LOC128462377: variants seen among roughly 807,000 people sequenced by gnomAD.
chr16:89,326,957 A>G, the LOC128462377 span, among the ~76,000 whole-genome samples: 658 of 152,258 alleles, frequency 4.3e-3, 6 homozygotes, highest in African/African-American at 0.015. Flanking sequence ...AGAGAAAAGC[A>G]GGTACAGCAA....
chr16:89,319,167 G>A, the LOC128462377 span, among the ~76,000 whole-genome samples: 1 of 152,242 alleles, frequency 6.6e-6, no homozygotes, highest in Non-Finnish European at 1.5e-5. Context: ...TCCCAGATGT[G>A]AGTCTGTGGC....
the LOC128462377 span, among the ~76,000 whole-genome samples, chr16:89,333,177 G>A: frequency 6.6e-6 from 1 of 152,232 alleles, no homozygotes; most frequent in Admixed American, 6.5e-5. Flanking sequence ...TTTGGGTCAT[G>A]CCTAAGGTCA....
chr16:89,323,356 GCCTCTCA>G, the LOC128462377 span: 3 of 1,288,100 alleles, frequency 2.3e-6, no homozygotes, highest in Non-Finnish European at 3.0e-6. Flanking sequence ...AGCACCACTG[GCCTCTCA>G]CCTCTCACCA....
At chr16:89,384,467 A>T in the LOC128462377 span, among the ~76,000 whole-genome samples, 1 of 150,884 alleles carries the variant, frequency 6.6e-6, no homozygotes, top group Non-Finnish European at 1.5e-5. Context: ...GAAATGGGAC[A>T]GGACAAGATG....
At chr16:89,371,611 G>A in the LOC128462377 span, among the ~76,000 whole-genome samples, 6 of 152,172 alleles carry the variant, frequency 3.9e-5, no homozygotes, top group African/African-American at 1.4e-4. Flanking sequence ...AGGGTGCTGT[G>A]CACTCCCTGC....
the LOC128462377 span, among the ~76,000 whole-genome samples, chr16:89,388,668 C>T: frequency 4.6e-5 from 7 of 152,216 alleles, no homozygotes; most frequent in East Asian, 1.9e-4. Flanking sequence ...TGCGATGAGC[C>T]GGGGACCCCC....
the LOC128462377 span, among the ~76,000 whole-genome samples, chr16:89,365,220 T>G: frequency 1.3e-5 from 2 of 152,184 alleles, no homozygotes; most frequent in Admixed American, 6.5e-5. Context: ...GAAGGGGAAG[T>G]TCCAGAGCTG....
At chr16:89,361,068 C>T in the LOC128462377 span, among the ~76,000 whole-genome samples, 3 of 152,212 alleles carry the variant, frequency 2.0e-5, no homozygotes, top group African/African-American at 7.2e-5. Context: ...CACCCCAGCC[C>T]CTGCTGCAAT....
At chr16:89,401,593 T>C in the LOC128462377 span, among the ~76,000 whole-genome samples, 1 of 152,180 alleles carries the variant, frequency 6.6e-6, no homozygotes, top group African/African-American at 2.4e-5. Context: ...CTTTATTTAC[T>C]GGTGTTATGA....
chr16:89,328,749 C>A, the LOC128462377 span, among the ~76,000 whole-genome samples: 3 of 115,030 alleles, frequency 2.6e-5, no homozygotes, highest in East Asian at 5.6e-4. Context: ...GGAGCACGGG[C>A]GAAATCAGCG....
the LOC128462377 span, among the ~76,000 whole-genome samples, chr16:89,354,663 C>A: frequency 1.3e-5 from 2 of 152,308 alleles, no homozygotes; most frequent in Non-Finnish European, 2.9e-5. Context: ...AGGTGAATCA[C>A]CTGAAGTCAG....
the LOC128462377 span, among the ~76,000 whole-genome samples, chr16:89,409,020 A>AAGAGCC: frequency 6.6e-6 from 1 of 152,268 alleles, no homozygotes; most frequent in East Asian, 1.9e-4. Flanking sequence ...CAAAACCAAA[A>AAGAGCC]AGAGCCACAG....
the LOC128462377 span, among the ~76,000 whole-genome samples, chr16:89,381,112 CAGG>C: frequency 5.3e-5 from 8 of 152,126 alleles, no homozygotes; most frequent in Non-Finnish European, 1.0e-4. Flanking sequence ...CATTTGAGAT[CAGG>C]AGTTTGAGAC....
At chr16:89,354,549 C>T in the LOC128462377 span, among the ~76,000 whole-genome samples, 2 of 152,174 alleles carry the variant, frequency 1.3e-5, no homozygotes, top group Non-Finnish European at 2.9e-5. Flanking sequence ...GGCTGGAATA[C>T]TCAAGAGATT....
At chr16:89,402,622 G>C in the LOC128462377 span, among the ~76,000 whole-genome samples, 1 of 149,930 alleles carries the variant, frequency 6.7e-6, no homozygotes, top group African/African-American at 2.5e-5. Flanking sequence ...TTCAAGCCTT[G>C]AGTGAGCTGT....
At chr16:89,383,014 G>GT in the LOC128462377 span, among the ~76,000 whole-genome samples, 1 of 152,168 alleles carries the variant, frequency 6.6e-6, no homozygotes, top group East Asian at 1.9e-4. Context: ...CTTGTAAAGC[G>GT]TAACTTTTAA....
the LOC128462377 span, among the ~76,000 whole-genome samples, chr16:89,318,473 C>A: frequency 1.3e-5 from 2 of 152,206 alleles, no homozygotes; most frequent in South Asian, 2.1e-4. Flanking sequence ...GCGACCATGC[C>A]GGGAGAAGCA....
chr16:89,362,091 G>T, the LOC128462377 span, among the ~76,000 whole-genome samples: 1 of 152,196 alleles, frequency 6.6e-6, no homozygotes, highest in Non-Finnish European at 1.5e-5. Context: ...TGTAAAAGAT[G>T]CAAGTTTCAA....
the LOC128462377 span, among the ~76,000 whole-genome samples, chr16:89,332,385 C>A: frequency 6.6e-6 from 1 of 152,182 alleles, no homozygotes; most frequent in African/African-American, 2.4e-5. Flanking sequence ...AACACTGAGC[C>A]CCCCAAGTCC....
Sources: allele counts gnomAD v4.1 joint callset (sites outside exome capture counted in the v4.1 genomes callset), GRCh38; gene constraint gnomAD v4.1.1; transcripts MANE v1.5.